PTCH1: variants seen among roughly 807,000 people sequenced by gnomAD.
The protein encoded by PTCH1 is protein patched homolog 1.
PTCH1 carries 14 observed loss-of-function variants against 144.6 expected under a neutral mutation model. The ratio of observed to expected loss-of-function variants is 0.10; its 90% CI spans 0.06 to 0.15. PTCH1 has a LOEUF of 0.15. Among genes scored for constraint, PTCH1 ranks in the 10% least tolerant of loss-of-function variants. PTCH1 has a pLI of 1.00. For synonymous variants in PTCH1, 833 were observed against 793.6 expected, an observed-to-expected ratio of 1.05 and a Z score of -0.83; for missense variants, 1,623 against 1,948.3, an observed-to-expected ratio of 0.83 and a Z score of 3.14.
At position 95,478,145 on chromosome 9, in the gene PTCH1, C is replaced by A; in HGVS notation, c.1257G>T (p.Val419=). The A allele has an allele frequency of 6.2e-7, 1 of 1,614,118 alleles. No individual in the cohort carries two copies. The highest frequency in any genetic ancestry group is 1.1e-5 in the South Asian group (1 of 91,070). ...CCAGGGTCGTGGTGGTGAAGGAAAG[C>A]ACCTTTTGAGTGGAGTTCTGTGCGA... ...QSVAQNSTQK[V]LSFTTTTLDD... is the part of the protein sequence containing the mutation. Residue 419 remains valine (V), a synonymous_variant, in exon 9 of 24, where the codon GTG becomes GTT. Coordinates refer to ENST00000331920, the MANE Select transcript of PTCH1 (RefSeq NM_000264.5).
At chr9:95,490,693 G>C (rs2118640217) in intron 2 of PTCH1, among the ~76,000 whole-genome samples, 1 of 152,260 alleles carries the variant, frequency 6.6e-6, no homozygotes, top group East Asian at 1.9e-4. Flanking sequence ...TTAGAGAGTA[G>C]AATGAGGGTT....
At chr9:95,484,611 A>G (rs545592943) in intron 3 of PTCH1, among the ~76,000 whole-genome samples, 1 of 152,328 alleles carries the variant, frequency 6.6e-6, no homozygotes, top group South Asian at 2.1e-4. Flanking sequence ...CAGTACTAAC[A>G]AAGGCCTCAG....
intron 12 of PTCH1, among the ~76,000 whole-genome samples, chr9:95,470,133 CCTTT>C (rs1191535156): frequency 6.6e-5 from 10 of 152,266 alleles, no homozygotes; most frequent in African/African-American, 1.9e-4. Context: ...TGTTTCTGGG[CCTTT>C]CTATCTCTAA....
At chr9:95,491,411 C>T (rs545625854) in intron 2 of PTCH1, among the ~76,000 whole-genome samples, 3 of 152,188 alleles carry the variant, frequency 2.0e-5, no homozygotes, top group Non-Finnish European at 4.4e-5. Flanking sequence ...CTGTGATGAA[C>T]CTCACAGGAC....
chr9:95,506,985 A>G (rs1382290530), intron 1 of PTCH1: 1 of 1,000,994 alleles, frequency 1.0e-6, no homozygotes, highest in Non-Finnish European at 1.2e-6. Context: ...ATGGAGCCCA[A>G]GGTTCAGGAG....
rs774476280 is a variant in PTCH1 at position 95,480,521 on chromosome 9, T to G, written c.814A>C (p.Asn272His). 6.2e-7 allele frequency: 1 copy of G among 1,613,578 alleles called. No homozygotes were observed. The highest frequency in any genetic ancestry group is 1.3e-5 in the African/African-American group (1 of 74,850). The change falls in exon 6 of 24, where the codon AAC becomes CAC. Residue 272 changes from asparagine to histidine, a missense_variant. Physicochemically the swap from Asn to His is moderately conservative, Grantham distance 68. Around this residue, in one of 7 missense-constraint regions of PTCH1, gnomAD observed 230 missense variants for 271.0 expected, o/e 0.85. Coordinates refer to ENST00000331920, the MANE Select transcript of PTCH1 (RefSeq NM_000264.5). ...TCCTCCCAGCTGTCCACTTGATAGT[T>G]TATTTTCTTTAACTCTTCCAGGAAT... is the stretch of plus-strand genomic sequence containing the variant. ...LEFLEELKKI[N>H]YQVDSWEEML...
At chr9:95,510,609 G>A (rs906498200), upstream of PTCH1, among the ~76,000 whole-genome samples, 9 of 151,872 alleles carry the variant, frequency 5.9e-5, no homozygotes, top group Non-Finnish European at 1.2e-4. Context: ...CCCTTGATTT[G>A]CTTCACTTTA....
At chr9:95,488,412 A>C (rs967845638) in intron 2 of PTCH1, among the ~76,000 whole-genome samples, 8 of 152,138 alleles carry the variant, frequency 5.3e-5, no homozygotes, top group Admixed American at 5.2e-4. Flanking sequence ...GGTTTTCTCA[A>C]CCACCTATGC....
intron 2 of PTCH1, chr9:95,503,168 A>C (rs115955016): frequency 6.6e-6 from 1 of 152,354 alleles, no homozygotes; most frequent in African/African-American, 2.4e-5. Flanking sequence ...TCATATAAAA[A>C]TTCATGTCTA....
rs1442499544 is a variant in PTCH1, at chr9:95,449,818, G to A, written c.3549+23C>T. On this transcript the variant is annotated intron_variant, in intron 21 of 23. Transcript: ENST00000331920. The surrounding 1 kb of genome is among the most constrained non-coding windows in gnomAD (Gnocchi z 5.3). ...CAGCATTCAGCCGGCCTACACGTGG[G>A]ACATCCCCGTGTCACTACTGACCTC... The A allele has an allele frequency of 1.3e-6, 2 of 1,584,882 alleles. No homozygotes were observed. The highest frequency in any genetic ancestry group is 1.7e-6 in the Non-Finnish European group (2 of 1,153,802).
At chr9:95,483,906 G>A (rs764960901) in intron 3 of PTCH1, 1 of 152,162 alleles carries the variant, frequency 6.6e-6, no homozygotes, top group African/African-American at 2.4e-5. Context: ...TTAGAAAAAT[G>A]AATGGGCTTG....
intron 22 of PTCH1, 120 bp downstream of exon 22, chr9:95,448,949 A>C: frequency 1.4e-6 from 2 of 1,400,274 alleles, no homozygotes. Context: ...TCTGTACCTT[A>C]TCTCTGCATC....
chr9:95,470,638 T>C (rs920730559), intron 12 of PTCH1, among the ~76,000 whole-genome samples: 68 of 152,048 alleles, frequency 4.5e-4, no homozygotes, highest in African/African-American at 1.6e-3. Context: ...TAGTAAAAAT[T>C]ACAAAATTGG....
Position 95,447,140 on chromosome 9 carries a change from C to A in PTCH1, c.4116G>T (p.Thr1372=), listed in dbSNP as rs776937004. The stretch of plus-strand genomic sequence containing the variant: ...CGGCGACAGTCACGGAGGCAGAAGC[C>A]GTCACAGTGGTGATGGGCTGGCAGT... ...PGYCQPITTV[T]ASASVTVAVH... The change falls in exon 23 of 24, where the codon ACG becomes ACT. Residue 1372 remains threonine (T), a synonymous_variant. Transcript: ENST00000331920. The A allele has an allele frequency of 5.0e-6, 8 of 1,613,158 alleles. No individual in the cohort carries two copies. The African/African-American group carries it at 6.7e-5, about 13-fold the overall frequency.
chr9:95,461,148 C>T (rs1839422278), intron 16 of PTCH1, among the ~76,000 whole-genome samples: 2 of 152,088 alleles, frequency 1.3e-5, no homozygotes, highest in African/African-American at 2.4e-5. Context: ...AAAACACACT[C>T]CTGAACACAC....
chr9:95,486,665 T>A (rs555277050), intron 2 of PTCH1, among the ~76,000 whole-genome samples: 3 of 152,386 alleles, frequency 2.0e-5, no homozygotes, highest in Admixed American at 2.0e-4. Flanking sequence ...GCACGGGGTA[T>A]GCCCAAAGCC....
At chr9:95,505,827 A>G (rs1286075796) in intron 2 of PTCH1, among the ~76,000 whole-genome samples, 8 of 150,994 alleles carry the variant, frequency 5.3e-5, no homozygotes, top group African/African-American at 1.7e-4. Context: ...TCAGAGTTGA[A>G]AGCTGTCCAA....
chr9:95,506,191 C>T (rs1843606740), intron 2 of PTCH1: 2 of 498,624 alleles, frequency 4.0e-6, no homozygotes, highest in South Asian at 2.7e-5. Context: ...TCCCACCACA[C>T]CTCGGCCGGC....
intron 2 of PTCH1, 73 bp downstream of exon 2, chr9:95,506,334 G>C (rs2118870448): frequency 1.3e-6 from 2 of 1,510,186 alleles, no homozygotes; most frequent in South Asian, 2.3e-5. Flanking sequence ...CTAGGTGTGC[G>C]CTGGCGAATA....
Sources: allele counts gnomAD v4.1 joint callset (sites outside exome capture counted in the v4.1 genomes callset), GRCh38; gene constraint gnomAD v4.1.1; regional missense constraint gnomAD v4.1.1; non-coding constraint Gnocchi (gnomAD v3.1); transcripts MANE v1.5; gene names NCBI Gene and HGNC (gene_info 2026-07-23, HGNC 2026-07-21).